Variants in DOCK9 observed in about 807,000 individuals in gnomAD.
The protein encoded by DOCK9 is dedicator of cytokinesis protein 9.
Under a neutral mutation model 263.3 loss-of-function variants are expected in DOCK9, and 89 were observed. That is an observed-to-expected ratio of 0.34 (90% CI 0.28 to 0.40). The LOEUF (loss-of-function observed/expected upper bound fraction) is 0.40, where lower values mean the gene tolerates loss of function less well. Ranked by LOEUF, DOCK9 falls within the 10% of genes least tolerant of loss-of-function variation. The pLI, the probability that DOCK9 is intolerant of heterozygous loss-of-function variation, is 1.00. For missense variants in DOCK9, 2,140 were observed against 2,603.4 expected, an observed-to-expected ratio of 0.82 and a Z score of 3.87; for synonymous variants, 976 against 973.1, an observed-to-expected ratio of 1.00 and a Z score of -0.06.
intron 15 of DOCK9, among the ~76,000 whole-genome samples, chr13:98,896,491 A>C (rs550696777): frequency 2.8e-4 from 41 of 144,872 alleles, no homozygotes; most frequent in South Asian, 1.4e-3. Context: ...GATATGCACA[A>C]AAAAAAAAAA....
upstream of DOCK9, among the ~76,000 whole-genome samples, chr13:98,978,560 T>C (rs150505347): frequency 5.9e-3 from 900 of 152,338 alleles, 4 homozygotes; most frequent in Non-Finnish European, 9.1e-3. Flanking sequence ...TATGTACTAT[T>C]TGATGCCAGA....
intron 1 of DOCK9, among the ~76,000 whole-genome samples, chr13:99,013,384 G>C (rs1055930457): frequency 6.6e-6 from 1 of 152,100 alleles, no homozygotes; most frequent in African/African-American, 2.4e-5. Context: ...CAAAGCACTG[G>C]GATTACAGGC....
At chr13:98,898,653 A>G (rs902826650) in intron 13 of DOCK9, among the ~76,000 whole-genome samples, 10 of 152,342 alleles carry the variant, frequency 6.6e-5, no homozygotes, top group Non-Finnish European at 1.5e-5. Context: ...TAGGATTGAA[A>G]TGAGAACACT....
intron 49 of DOCK9, 145 bp from the exon 50 acceptor site, chr13:98,800,623 T>A: frequency 2.2e-6 from 2 of 904,940 alleles, no homozygotes; most frequent in Non-Finnish European, 3.2e-6. Flanking sequence ...CAAAGACACA[T>A]ACTAGTACTT....
Position 98,829,405 on chromosome 13 carries a change from A to C in DOCK9, c.4867T>G (p.Tyr1623Asp). 1 of 1,613,914 alleles carries C rather than the reference A, an allele frequency of 6.2e-7. No individual in the cohort carries two copies. The highest frequency in any genetic ancestry group is 8.5e-7 in the Non-Finnish European group (1 of 1,179,880). Residue 1623 changes from tyrosine (Y) to aspartate (D), a missense_variant, in exon 43 of 53, where the codon TAC (tyrosine) becomes GAC (aspartate). Tyr to Asp is a radical substitution (Grantham distance 160, BLOSUM62 -3). Coordinates refer to ENST00000682017, the MANE Select transcript of DOCK9 (RefSeq NM_001366683.2). This position sits in a 1 kb window ranked among gnomAD's most constrained non-coding sequence, Gnocchi z 4.1. The part of the protein sequence containing the change: ...NDPEMLVDLQ[Y>D]SLAKSYASTP... ...CTGGCATAGGATTTGGCCAGGCTGTACTGGAGGTCCACCAGCATCTCTGGG... is the reference window on the plus strand; with the variant it reads ...CTGGCATAGGATTTGGCCAGGCTGTCCTGGAGGTCCACCAGCATCTCTGGG...
rs73556994 is a variant in DOCK9, at chr13:98,893,087, A to G, written c.1710-4376T>C. ...TGCTGCTTGATGAGGCAGGAAGGGGACACAATTTGGGCAGAGAGAAAAGCA... is the reference window on the plus strand; with the variant it reads ...TGCTGCTTGATGAGGCAGGAAGGGGGCACAATTTGGGCAGAGAGAAAAGCA... On this transcript the variant is annotated intron_variant, in intron 15 of 52. Transcript: ENST00000682017. 3.9e-3 allele frequency among the ~76,000 whole-genome samples: 587 copies of G among 152,232 alleles called. 2 individuals carry two copies. Among genetic ancestry groups the G allele is most frequent in the African/African-American group, 0.013 (546 of 41,528 alleles).
chr13:98,886,484 T>C, intron 19 of DOCK9, 48 bp downstream of exon 19: 1 of 1,540,186 alleles, frequency 6.5e-7, no homozygotes, highest in Non-Finnish European at 8.9e-7. Flanking sequence ...CATTAAAGTT[T>C]CCCTTAAAAC....
intron 1 of DOCK9, among the ~76,000 whole-genome samples, chr13:99,022,778 T>TA (rs980885496): frequency 2.0e-5 from 3 of 151,746 alleles, no homozygotes; most frequent in East Asian, 1.9e-4. Flanking sequence ...CCCCAGTCTA[T>TA]AAAAAAAAGA....
rs572501667 is a variant in DOCK9 at position 99,086,618 on chromosome 13, G to C, written c.-267C>G. 6.9e-3 allele frequency: 1,017 copies of C among 147,134 alleles called. 5 individuals are homozygous for C. The highest frequency in any genetic ancestry group is 0.012 in the Admixed American group (171 of 14,786). 9.1% of individuals were successfully genotyped at this position (147,134 alleles called of 1,614,324 possible). On this transcript the variant is annotated 5_prime_UTR_variant, in exon 1 of 33. Coordinates refer to the DOCK9 transcript ENST00000427887. ...CCGGGCTCGCTCCGGGCGACCGTGCGTGTGGCGGCGGCGGCTCCCCCATGC... is the reference window on the plus strand; with the variant it reads ...CCGGGCTCGCTCCGGGCGACCGTGCCTGTGGCGGCGGCGGCTCCCCCATGC...
chr13:98,978,600 G>A (rs1875976130), upstream of DOCK9, among the ~76,000 whole-genome samples: 1 of 152,112 alleles, frequency 6.6e-6, no homozygotes, highest in Non-Finnish European at 1.5e-5. Flanking sequence ...ATTTTCATGG[G>A]ATACCACATA....
chr13:98,845,802 C>T, intron 38 of DOCK9, 122 bp downstream of exon 38: 1 of 1,309,766 alleles, frequency 7.6e-7, no homozygotes. Context: ...GCTCTTCATC[C>T]TACTTGCTTT....
At chr13:98,818,831 T>TTGTG (rs142278524) in intron 45 of DOCK9, among the ~76,000 whole-genome samples, 172 of 149,852 alleles carry the variant, frequency 1.1e-3, no homozygotes, top group African/African-American at 3.6e-3. Flanking sequence ...CACACTAACA[T>TTGTG]TGTGTGTGTG....
In DOCK9 at chr13:98,914,313, A is replaced by G. The variant is rs369126831; in HGVS notation, c.960+15T>C. The G allele has an allele frequency of 7.5e-6, 12 of 1,603,398 alleles. No homozygotes were observed. Among genetic ancestry groups the G allele is most frequent in the Non-Finnish European group, 1.0e-5 (12 of 1,174,296 alleles). ...CAGCATTCAACGAAGAGCAGAAGAT[A>G]TAAGACGATGTTACCTTGGCAAGTT... On this transcript the variant is annotated intron_variant, in intron 9 of 52. Transcript: ENST00000682017.
rs536548453 is a variant in DOCK9, at chr13:99,010,847, C to T, written c.130-55296G>A. 2.6e-5 allele frequency among the ~76,000 whole-genome samples: 4 copies of T among 152,336 alleles called. No homozygotes were observed. The South Asian group carries it at 8.3e-4, about 32-fold the overall frequency. ...AAGACATCTGTTTGTTACTTCAGAG[C>T]CATCCTTAGTGATGGTAAAAAGGCT... On this transcript the variant is annotated intron_variant, in intron 1 of 32. Coordinates refer to the DOCK9 transcript ENST00000427887.
intron 48 of DOCK9, among the ~76,000 whole-genome samples, chr13:98,807,103 G>T (rs1306387068): frequency 6.6e-6 from 1 of 152,156 alleles, no homozygotes; most frequent in Non-Finnish European, 1.5e-5. Context: ...ATGTCCTGAG[G>T]AGGGTGGGAC....
At chr13:98,823,307 C>A (rs563283213) in intron 45 of DOCK9, among the ~76,000 whole-genome samples, 2 of 152,232 alleles carry the variant, frequency 1.3e-5, no homozygotes, top group East Asian at 1.9e-4. Context: ...AGCAAGAGTA[C>A]CGCCTCAAAG....
intron 50 of DOCK9, 121 bp downstream of exon 50, chr13:98,800,167 G>A: frequency 9.3e-7 from 1 of 1,071,370 alleles, no homozygotes; most frequent in East Asian, 2.6e-5. Flanking sequence ...TGGGGGAAGG[G>A]AGCAGGGATC....
At chr13:98,915,242 A>G in intron 8 of DOCK9, 87 bp downstream of exon 8, 1 of 1,347,926 alleles carries the variant, frequency 7.4e-7, no homozygotes, top group Non-Finnish European at 1.0e-6. Flanking sequence ...TACTTGTGTA[A>G]CACAGGTCTC....
intron 52 of DOCK9, among the ~76,000 whole-genome samples, chr13:98,796,504 G>A (rs1454902511): frequency 1.3e-5 from 2 of 152,108 alleles, no homozygotes; most frequent in African/African-American, 2.4e-5. Context: ...CCTGGGTATG[G>A]GACACTGTCT....
Sources: gnomAD v4.1 joint callset for allele counts (sites outside exome capture counted in the v4.1 genomes callset) on GRCh38, gnomAD v4.1.1 for gene constraint, Gnocchi (gnomAD v3.1) non-coding constraint, MANE v1.5 for transcripts, NCBI Gene and HGNC (gene_info 2026-07-23, HGNC 2026-07-21) for gene names.